The following ARB2A variants were observed in gnomAD, a reference collection of about 807,000 sequenced individuals.
ARB2A encodes cotranscriptional regulator ARB2A.
the ARB2A span, among the ~76,000 whole-genome samples, chr5:93,978,018 C>T: frequency 6.6e-6 from 1 of 152,060 alleles, no homozygotes; most frequent in Non-Finnish European, 1.5e-5. Flanking sequence ...GAAAAAAATG[C>T]TCAAATCACT....
chr5:93,741,284 G>A, the ARB2A span: 43 of 1,613,542 alleles, frequency 2.7e-5, no homozygotes, highest in Non-Finnish European at 3.4e-5. Flanking sequence ...TCGGAGGGGC[G>A]TCGCAACCAG....
At chr5:94,058,540 T>C in the ARB2A span, among the ~76,000 whole-genome samples, 2 of 152,094 alleles carry the variant, frequency 1.3e-5, no homozygotes, top group Admixed American at 6.5e-5. Context: ...TAAGCTTCTA[T>C]ACATAAAAAA....
the ARB2A span, chr5:93,959,099 T>C: frequency 1.8e-6 from 1 of 550,316 alleles, no homozygotes; most frequent in Non-Finnish European, 2.9e-6. Context: ...AAAAACAATT[T>C]TAACACAAAA....
At chr5:93,764,872 A>T in the ARB2A span, among the ~76,000 whole-genome samples, 1 of 152,248 alleles carries the variant, frequency 6.6e-6, no homozygotes, top group Non-Finnish European at 1.5e-5. Context: ...CATTCCTGGG[A>T]TGCAAGGCTG....
the ARB2A span, among the ~76,000 whole-genome samples, chr5:93,864,365 C>T: frequency 2.0e-5 from 3 of 152,068 alleles, no homozygotes; most frequent in Non-Finnish European, 4.4e-5. Flanking sequence ...ATGGTTGTGA[C>T]AGGTTTTAAA....
chr5:94,066,318 AAAT>A, the ARB2A span, among the ~76,000 whole-genome samples: 1 of 151,754 alleles, frequency 6.6e-6, no homozygotes, highest in Admixed American at 6.6e-5. Flanking sequence ...AGAAAGGATA[AAAT>A]AATAAAGAGC....
chr5:93,923,222 T>A, the ARB2A span, among the ~76,000 whole-genome samples: 3 of 152,196 alleles, frequency 2.0e-5, no homozygotes, highest in African/African-American at 7.2e-5. Context: ...ATGACTTATT[T>A]ATTATAAAAT....
At chr5:93,830,309 G>GTGTGTATGTGTGTGTA in the ARB2A span, among the ~76,000 whole-genome samples, 2 of 49,658 alleles carry the variant, frequency 4.0e-5, 1 homozygote, top group Non-Finnish European at 7.9e-5. Flanking sequence ...ATGTGTGTGT[G>GTGTGTATGTGTGTGTA]TGTATATATA....
the ARB2A span, among the ~76,000 whole-genome samples, chr5:93,831,180 C>T: frequency 6.6e-6 from 1 of 151,932 alleles, no homozygotes; most frequent in Non-Finnish European, 1.5e-5. Context: ...TCCTAACAGG[C>T]CATGGACTGG....
chr5:93,808,352 C>A, the ARB2A span, among the ~76,000 whole-genome samples: 1 of 148,280 alleles, frequency 6.7e-6, no homozygotes, highest in African/African-American at 2.5e-5. Flanking sequence ...GCTGACATTT[C>A]AGAAGGTTAA....
At chr5:93,677,643 A>G in the ARB2A span, among the ~76,000 whole-genome samples, 3 of 152,224 alleles carry the variant, frequency 2.0e-5, no homozygotes, top group Non-Finnish European at 4.4e-5. Context: ...GGGCAGTCAA[A>G]AATAACATTT....
the ARB2A span, among the ~76,000 whole-genome samples, chr5:93,664,547 C>T: frequency 1.3e-5 from 2 of 151,474 alleles, no homozygotes; most frequent in Admixed American, 6.6e-5. Flanking sequence ...AGGAGAATGA[C>T]ATGAACCCGG....
At chr5:93,724,972 T>C in the ARB2A span, among the ~76,000 whole-genome samples, 3 of 151,998 alleles carry the variant, frequency 2.0e-5, no homozygotes, top group Non-Finnish European at 2.9e-5. Flanking sequence ...TAATGGGAGG[T>C]TGGCATATAT....
chr5:93,791,092 G>C, the ARB2A span, among the ~76,000 whole-genome samples: 1 of 152,174 alleles, frequency 6.6e-6, no homozygotes, highest in African/African-American at 2.4e-5. Context: ...TAGGATACCA[G>C]TTTTGAAGTA....
the ARB2A span, among the ~76,000 whole-genome samples, chr5:93,680,822 G>T: frequency 5.9e-5 from 9 of 152,132 alleles, no homozygotes; most frequent in African/African-American, 2.2e-4. Flanking sequence ...TAAAGACAGG[G>T]TCTGGACTAA....
At chr5:93,823,881 G>A in the ARB2A span, among the ~76,000 whole-genome samples, 1 of 152,154 alleles carries the variant, frequency 6.6e-6, no homozygotes, top group Admixed American at 6.5e-5. Flanking sequence ...CCTGAACCAG[G>A]GAGTCAGAGG....
At chr5:93,653,509 CTCAAAAAAAAAAAAAAAAAAAAA>C in the ARB2A span, among the ~76,000 whole-genome samples, 1 of 20,730 alleles carries the variant, frequency 4.8e-5, no homozygotes, top group Non-Finnish European at 1.0e-4. Context: ...GAGACTCCGT[CTCAAAAAAAAAAAAAAAAAAAAA>C]AAAAAAAAAA....
the ARB2A span, among the ~76,000 whole-genome samples, chr5:93,986,698 T>C: frequency 5.3e-5 from 8 of 152,330 alleles, no homozygotes; most frequent in Admixed American, 2.0e-4. Flanking sequence ...TGGGATGCTG[T>C]TAATCTATAA....
the ARB2A span, among the ~76,000 whole-genome samples, chr5:93,659,677 A>G: frequency 6.6e-6 from 1 of 152,150 alleles, no homozygotes; most frequent in African/African-American, 2.4e-5. Flanking sequence ...CACCATGCTC[A>G]CTGATGCCAA....
Sources: gnomAD v4.1 joint callset for allele counts (sites outside exome capture counted in the v4.1 genomes callset) on GRCh38, gnomAD v4.1.1 for gene constraint, MANE v1.5 for transcripts, NCBI Gene and HGNC (gene_info 2026-07-23, HGNC 2026-07-21) for gene names.